LLGL1: variants seen among roughly 807,000 people sequenced by gnomAD.
LLGL1 encodes the protein lethal(2) giant larvae protein homolog 1.
In LLGL1, 58 loss-of-function variants were observed where a neutral mutation model predicts 110.6. That is an observed-to-expected ratio of 0.52 (90% CI 0.42 to 0.65). LLGL1 has a LOEUF of 0.65. Ranked by LOEUF, LLGL1 falls within the 30% of genes least tolerant of loss-of-function variation. LLGL1 has a pLI of 0.00. For missense variants in LLGL1, 1,229 were observed against 1,462.1 expected (o/e 0.84, Z 2.60); for synonymous variants, 674 against 607.2 (o/e 1.11, Z -1.62).
At chr17:18,242,879 C>T in intron 22 of LLGL1, 57 bp downstream of exon 22, 9 of 1,459,504 alleles carry the variant, frequency 6.2e-6, no homozygotes, top group Non-Finnish European at 7.3e-6. Context: ...CCCCTTCAGC[C>T]CGTCTGGGTA....
chr17:18,233,102 A>C, intron 4 of LLGL1, among the ~76,000 whole-genome samples: 1 of 152,298 alleles, frequency 6.6e-6, no homozygotes, highest in Non-Finnish European at 1.5e-5. Flanking sequence ...CTGGCACTAC[A>C]CTTACTGCAA....
chr17:18,238,733 A>G (rs1178366412), intron 16 of LLGL1, 124 bp downstream of exon 16: 8 of 973,248 alleles, frequency 8.2e-6, no homozygotes, highest in Admixed American at 4.3e-5. Context: ...GTGGCTGGGC[A>G]CGGTGGCTCA....
At position 18,242,813 on chromosome 17, in the gene LLGL1, A is replaced by C. The variant is rs1212547463; in HGVS notation, c.3187A>C (p.Ile1063Leu). 1 of 1,553,880 alleles carries C rather than the reference A, an allele frequency of 6.4e-7. No homozygotes were observed. Among genetic ancestry groups the C allele is most frequent in the Non-Finnish European group, 8.7e-7 (1 of 1,148,888 alleles). The change falls in exon 22 of 23, where the codon ATC becomes CTC. Residue 1063 changes from isoleucine to leucine, a missense_variant. Coordinates refer to ENST00000316843, the MANE Select transcript of LLGL1 (RefSeq NM_004140.4). ...CGAGGCCCACGCCTGTGCCATCCTG[A>C]TCAAATGAGGTGCTGCAGGGGTGGG... ...EDEAHACAILIK is the reference protein window; with the variant it reads ...EDEAHACAILLK
rs149027239 is a variant in LLGL1, at chr17:18,236,666, A to G, written c.1412A>G (p.Tyr471Cys). ...TCGGGTGTGGCGCTGCGGCCGCTCTATAAGCTGAGCACAGCTGGCCTCTTC... is the reference window on the plus strand; with the variant it reads ...TCGGGTGTGGCGCTGCGGCCGCTCTGTAAGCTGAGCACAGCTGGCCTCTTC... ...DASGVALRPLYKLSTAGLFQT... is the reference protein window; with the variant it reads ...DASGVALRPLCKLSTAGLFQT... The change falls in exon 12 of 23, where the codon TAT (tyrosine) becomes TGT (cysteine). Residue 471 changes from tyrosine (Y) to cysteine (C), a missense_variant. Physicochemically the swap from Tyr to Cys is radical, Grantham distance 194. Transcript: ENST00000316843. The G allele has an allele frequency of 6.4e-5, 104 of 1,612,808 alleles. No individual in the cohort carries two copies. The African/African-American group carries it at 1.0e-3, about 16-fold the overall frequency.
At chr17:18,231,861 T>C (rs1225057033) in intron 2 of LLGL1, among the ~76,000 whole-genome samples, 2 of 152,184 alleles carry the variant, frequency 1.3e-5, no homozygotes, top group East Asian at 3.9e-4. Context: ...GGTTTCACCA[T>C]CTTGGCCAGG....
Position 18,244,255 on chromosome 17 carries a change from T to G in LLGL1, c.*349T>G, listed in dbSNP as rs922224729. The G allele has an allele frequency of 6.7e-6, 1 of 150,328 alleles. No individual in the cohort carries two copies. Among genetic ancestry groups the G allele is most frequent in the South Asian group, 2.1e-4 (1 of 4,772 alleles). 9.3% of individuals were successfully genotyped at this position (150,328 alleles called of 1,614,324 possible). A position where few individuals can be genotyped will look rare whatever the true frequency, so the allele number is the denominator to read the frequency against. ...GAGTATTTTTCCTTTTTTTTTTTTT[T>G]CTTAAAGACGGAGTCTTGCTCTGTC... is the stretch of plus-strand genomic sequence containing the variant. On this transcript the variant is annotated 3_prime_UTR_variant, in exon 23 of 23. Coordinates refer to ENST00000316843, the MANE Select transcript of LLGL1 (RefSeq NM_004140.4).
chr17:18,233,587 C>G (rs556356204), intron 4 of LLGL1, among the ~76,000 whole-genome samples, 191 bp from the exon 5 acceptor site: 1 of 152,310 alleles, frequency 6.6e-6, no homozygotes, highest in East Asian at 1.9e-4. Flanking sequence ...ATCCATCTCC[C>G]TGCTGACATC....
intron 4 of LLGL1, 33 bp downstream of exon 4, chr17:18,232,835 G>T: frequency 6.2e-7 from 1 of 1,612,820 alleles, no homozygotes; most frequent in South Asian, 1.1e-5. Context: ...CCAGCCACCG[G>T]GCAGGGAGGA....
intron 8 of LLGL1, 58 bp downstream of exon 8, chr17:18,234,761 G>T (rs1295824196): frequency 4.3e-6 from 7 of 1,613,604 alleles, no homozygotes; most frequent in Non-Finnish European, 5.9e-6. Flanking sequence ...GGCTGGAAGG[G>T]TGGGCTCTCC....
chr17:18,227,837 G>A lies in LLGL1; in HGVS notation c.81+2074G>A, dbSNP rs138971117. ...GGATGAAGCGTGGGCAGCAGTGGTG[G>A]AAAGTGGGGTGGTCTTGGGGAAGGG... On this transcript the variant is annotated intron_variant, in intron 1 of 22. Transcript: ENST00000316843. Among the ~76,000 whole-genome samples the A allele has an allele frequency of 1.4e-3, 219 of 152,330 alleles. 1 individual carries two copies. The highest frequency in any genetic ancestry group is 6.8e-3 in the Middle Eastern group (2 of 294).
chr17:18,233,079 T>C (rs1033846015), intron 4 of LLGL1, among the ~76,000 whole-genome samples: 6 of 152,222 alleles, frequency 3.9e-5, no homozygotes, highest in African/African-American at 1.4e-4. Context: ...GCCAAACTTC[T>C]AGGACCTGAG....
rs1304620114 is a variant in LLGL1 at position 18,233,878 on chromosome 17, G to A, written c.493G>A (p.Val165Ile). 1 of 1,613,716 alleles carries A rather than the reference G, an allele frequency of 6.2e-7. No individual in the cohort carries two copies. Among genetic ancestry groups the A allele is most frequent in the Non-Finnish European group, 8.5e-7 (1 of 1,180,008 alleles). The change falls in exon 5 of 23, where the codon GTT becomes ATT. Residue 165 changes from valine (V) to isoleucine (I), a missense_variant. Coordinates refer to ENST00000316843, the MANE Select transcript of LLGL1 (RefSeq NM_004140.4). ...TEGSSVFFLD[V>I]TTLTLLEGQT... The stretch of plus-strand genomic sequence containing the variant: ...GGGCAGCAGTGTCTTCTTCCTGGAT[G>A]TTACCACCCTGACCCTGCTCGAGGG...
In LLGL1 at chr17:18,240,639, A is replaced by C; in HGVS notation, c.2268A>C (p.Ala756=). The C allele has an allele frequency of 1.2e-6, 2 of 1,613,008 alleles. No homozygotes were observed. Among genetic ancestry groups the C allele is most frequent in the African/African-American group, 1.3e-5 (1 of 75,046 alleles). ...GTNSGSVFAY[A]LEVPAAAVGG... ...ACTCAGGCTCTGTGTTCGCCTATGC[A>C]CTGGAGGTGCCGGCAGCAGCAGTGG... The change falls in exon 17 of 23, where the codon GCA becomes GCC. Residue 756 remains alanine, a synonymous_variant. Coordinates refer to ENST00000316843, the MANE Select transcript of LLGL1 (RefSeq NM_004140.4). The surrounding 1 kb of genome is among the most constrained non-coding windows in gnomAD (Gnocchi z 5.3).
Position 18,244,731 on chromosome 17 carries a change from G to GC in LLGL1, c.*825_*826insC, listed in dbSNP as rs1299842564. 1.5e-3 allele frequency: 162 copies of GC among 106,588 alleles called. 13 individuals carry two copies. Among genetic ancestry groups the GC allele is most frequent in the African/African-American group, 4.5e-3 (130 of 29,196 alleles). The allele number at this position is 106,588 out of a possible 1,614,324, so 6.6% of individuals were successfully genotyped here. A position where few individuals can be genotyped will look rare whatever the true frequency, so the allele number is the denominator to read the frequency against. On this transcript the variant is annotated 3_prime_UTR_variant, in exon 23 of 23. Coordinates refer to ENST00000316843, the MANE Select transcript of LLGL1 (RefSeq NM_004140.4). ...AGGTGTGTGTGTCCGGCGGGGGGGGGGGGCAGGGGGGGGGGTCAAGATGAG... is the reference window on the plus strand; with the variant it reads ...AGGTGTGTGTGTCCGGCGGGGGGGGGCGGGCAGGGGGGGGGGTCAAGATGAG...
At position 18,232,750 on chromosome 17, in the gene LLGL1, G is replaced by C. The variant is rs1326223817; in HGVS notation, c.340G>C (p.Glu114Gln). ...IVHHNGCAHL[E>Q]EALSFQLPSR... ...CCACCATAATGGCTGTGCCCACCTG[G>C]AAGAAGCACTCAGTTTCCAGCTGCC... The change falls in exon 4 of 23, where the codon GAA becomes CAA. Residue 114 changes from glutamate (E) to glutamine (Q), a missense_variant. By Grantham distance (29) the Glu-to-Gln change is conservative. Coordinates refer to ENST00000316843, the MANE Select transcript of LLGL1 (RefSeq NM_004140.4). 6.2e-7 allele frequency: 1 copy of C among 1,614,088 alleles called. No homozygotes were observed. The highest frequency in any genetic ancestry group is 1.1e-5 in the South Asian group (1 of 91,086).
rs750173408 is a variant in LLGL1, at chr17:18,241,576, C to T, written c.2628C>T (p.Thr876=). The T allele has an allele frequency of 1.7e-5, 27 of 1,613,678 alleles. No homozygotes were observed. The highest frequency in any genetic ancestry group is 2.2e-5 in the Non-Finnish European group (26 of 1,180,036). Residue 876 remains threonine (T), a synonymous_variant, in exon 18 of 23, where the codon ACC becomes ACT. Transcript: ENST00000316843. ...ASVACEDYAE[T]CLACLTNLGD... is the part of the protein sequence containing the mutation. ...TGGCCTGCGAGGACTATGCTGAGAC[C>T]TGCCTGGCCTGCCTCACCAACCTGG...
In LLGL1 at chr17:18,234,698, A is replaced by G. The variant is rs774654693; in HGVS notation, c.900A>G (p.Glu300=). 3 of 1,614,080 alleles carry G rather than the reference A, an allele frequency of 1.9e-6. No homozygotes were observed. In the South Asian group the frequency reaches 3.3e-5, roughly 18 times the overall value. The part of the protein sequence containing the change: ...AINKILWRNC[E]SGGHFIIFSG... The stretch of plus-strand genomic sequence containing the variant: ...ACAAGATTCTGTGGCGGAACTGTGA[A>G]TCTGGGTAGGTCGAGGGAGTGGGTG... The change falls in exon 8 of 23, where the codon GAA becomes GAG. Residue 300 remains glutamate, a synonymous_variant. Coordinates refer to ENST00000316843, the MANE Select transcript of LLGL1 (RefSeq NM_004140.4).
intron 1 of LLGL1, 43 bp from the exon 2 acceptor site, chr17:18,229,898 T>A: frequency 7.0e-7 from 1 of 1,430,368 alleles, no homozygotes; most frequent in Non-Finnish European, 9.6e-7. Context: ...ATGGCAGAGG[T>A]GCCTGGGAGT....
Position 18,234,114 on chromosome 17 carries a change from G to T in LLGL1, c.653G>T (p.Gly218Val). Residue 218 changes from glycine (G) to valine (V), a missense_variant, in exon 6 of 23, where the codon GGC becomes GTC. Physicochemically the swap from Gly to Val is moderately radical, Grantham distance 109. Transcript: ENST00000316843. ...AAGATTCTCATTGGCTACAGCCGGG[G>T]CCTGCTGGTCATCTGGAACCAGGCC... is the stretch of plus-strand genomic sequence containing the variant. ...PTKILIGYSR[G>V]LLVIWNQASQ... 1.2e-6 allele frequency: 2 copies of T among 1,612,012 alleles called. No individual in the cohort carries two copies. The highest frequency in any genetic ancestry group is 1.7e-6 in the Non-Finnish European group (2 of 1,179,020).
Sources: allele counts gnomAD v4.1 joint callset (sites outside exome capture counted in the v4.1 genomes callset), GRCh38; gene constraint gnomAD v4.1.1; non-coding constraint Gnocchi (gnomAD v3.1); transcripts MANE v1.5; gene names NCBI Gene and HGNC (gene_info 2026-07-23, HGNC 2026-07-21).